The following AGBL4 variants were observed in gnomAD, a reference collection of about 807,000 sequenced individuals.
AGBL4 encodes the protein cytosolic carboxypeptidase 6.
In AGBL4, 58 loss-of-function variants were observed where a neutral mutation model predicts 66.4. That is an observed-to-expected ratio of 0.87 (90% CI 0.71 to 1.09). The LOEUF (loss-of-function observed/expected upper bound fraction) is 1.09, where lower values mean the gene tolerates loss of function less well. Among genes scored for constraint, AGBL4 ranks in the 50% least tolerant of loss-of-function variants. The probability of loss-of-function intolerance (pLI) is 0.00; values close to 1 mark genes in which losing one functional copy is unlikely to be tolerated. For missense variants in AGBL4, 579 were observed against 631.0 expected, an observed-to-expected ratio of 0.92 and a Z score of 0.88; for synonymous variants, 234 against 222.9, an observed-to-expected ratio of 1.05 and a Z score of -0.44.
intron 9 of AGBL4, among the ~76,000 whole-genome samples, chr1:48,597,932 AAAAG>A (rs1177605177): frequency 2.6e-5 from 4 of 152,052 alleles, no homozygotes; most frequent in Admixed American, 6.6e-5. Flanking sequence ...AAGAAAAAGA[AAAAG>A]AAAGAAAGAG....
intron 2 of AGBL4, among the ~76,000 whole-genome samples, chr1:49,796,242 A>G (rs1343140682): frequency 6.6e-6 from 1 of 151,864 alleles, no homozygotes; most frequent in African/African-American, 2.4e-5. Flanking sequence ...AGAAACTTAA[A>G]TTGGTACAAT....
At chr1:48,742,705 G>A in intron 6 of AGBL4, 1 of 1,611,690 alleles carries the variant, frequency 6.2e-7, no homozygotes, top group Non-Finnish European at 8.5e-7. Context: ...CTCACTGAAA[G>A]TGCTCCGTAA....
chr1:49,823,433 T>A (rs998593542), intron 2 of AGBL4, among the ~76,000 whole-genome samples: 2 of 152,200 alleles, frequency 1.3e-5, no homozygotes, highest in African/African-American at 4.8e-5. Context: ...TATATATTAA[T>A]ACACGTTGGT....
At chr1:49,283,223 G>A (rs867234458) in intron 3 of AGBL4, among the ~76,000 whole-genome samples, 26 of 152,266 alleles carry the variant, frequency 1.7e-4, no homozygotes, top group Admixed American at 5.9e-4. Flanking sequence ...CCTGACCCCC[G>A]AGCAGCCTAA....
intron 3 of AGBL4, among the ~76,000 whole-genome samples, chr1:49,253,995 A>G (rs145486404): frequency 0.027 from 4,171 of 152,294 alleles, 207 homozygotes; most frequent in African/African-American, 0.096. Context: ...TCAATAAACT[A>G]AGTTTTGAAG....
chr1:49,802,906 TGCCCTA>T (rs1644896848), intron 2 of AGBL4, among the ~76,000 whole-genome samples: 1 of 152,202 alleles, frequency 6.6e-6, no homozygotes, highest in African/African-American at 2.4e-5. Context: ...CAATAGTCAT[TGCCCTA>T]GCAAAGCACA....
At chr1:48,526,015 TG>T in the AGBL4 span, among the ~76,000 whole-genome samples, 7 of 152,158 alleles carry the variant, frequency 4.6e-5, no homozygotes, top group African/African-American at 1.7e-4. Flanking sequence ...GCACCAATCC[TG>T]CCTGTTAAGA....
chr1:49,747,493 TC>T (rs1300722879), intron 2 of AGBL4, among the ~76,000 whole-genome samples: 1 of 152,194 alleles, frequency 6.6e-6, no homozygotes, highest in African/African-American at 2.4e-5. Context: ...GTGAGAATCT[TC>T]TGAGATTACA....
chr1:49,637,509 G>A (rs1318618878), intron 3 of AGBL4, among the ~76,000 whole-genome samples: 1 of 151,866 alleles, frequency 6.6e-6, no homozygotes, highest in Non-Finnish European at 1.5e-5. Context: ...CACCATGTGG[G>A]CCAGGCTGGT....
chr1:49,112,208 G>C (rs1364416366), intron 4 of AGBL4, among the ~76,000 whole-genome samples: 1 of 152,192 alleles, frequency 6.6e-6, no homozygotes, highest in African/African-American at 2.4e-5. Context: ...GTTGTAATTG[G>C]TTAATGTTTG....
chr1:49,026,176 A>G (rs1040072319), intron 5 of AGBL4, among the ~76,000 whole-genome samples: 12 of 152,216 alleles, frequency 7.9e-5, no homozygotes, highest in Admixed American at 1.3e-4. Context: ...TAGTTTACAT[A>G]GTCTAATATC....
Position 49,929,172 on chromosome 1 carries a change from AG to A in AGBL4, c.35-77655del, listed in dbSNP as rs575176882. Among the ~76,000 whole-genome samples, 60 of 152,232 alleles carry A rather than the reference AG, an allele frequency of 3.9e-4. 1 individual carries two copies. Among genetic ancestry groups the A allele is most frequent in the Admixed American group, 3.9e-3 (60 of 15,286 alleles). ...AGACACTGGGGAATACAAGAAGGGG[AG>A]GGGGGCAAAGATTGAAAAACCACCT... On this transcript the variant is annotated intron_variant, in intron 1 of 13. Coordinates refer to ENST00000371839, the MANE Select transcript of AGBL4 (RefSeq NM_032785.4).
chr1:49,777,681 T>C (rs1644233453), intron 2 of AGBL4, among the ~76,000 whole-genome samples: 1 of 152,286 alleles, frequency 6.6e-6, no homozygotes, highest in Non-Finnish European at 1.5e-5. Context: ...GCACTAGCTA[T>C]TGGGTCATTT....
chr1:49,909,455 A>C (rs1306684489), intron 1 of AGBL4, among the ~76,000 whole-genome samples: 1 of 152,180 alleles, frequency 6.6e-6, no homozygotes, highest in African/African-American at 2.4e-5. Flanking sequence ...ATAACTGAAG[A>C]AAATGTGTTC....
intron 6 of AGBL4, chr1:48,761,205 C>T (rs1644239613): frequency 9.7e-7 from 1 of 1,028,032 alleles, no homozygotes; most frequent in Admixed American, 2.9e-5. Flanking sequence ...GCTTTCACTA[C>T]CCTGAAAAAA....
chr1:48,654,197 C>T (rs963541084), intron 7 of AGBL4, among the ~76,000 whole-genome samples: 39 of 152,188 alleles, frequency 2.6e-4, no homozygotes, highest in Admixed American at 6.5e-5. Flanking sequence ...CCCTCTTCTC[C>T]ATCCCACTGC....
chr1:49,794,579 T>C (rs1644684255), intron 2 of AGBL4, among the ~76,000 whole-genome samples: 1 of 151,908 alleles, frequency 6.6e-6, no homozygotes, highest in Non-Finnish European at 1.5e-5. Context: ...CCACAAGTAT[T>C]GAGAAATATT....
chr1:49,861,430 C>T (rs1158474411), intron 1 of AGBL4, among the ~76,000 whole-genome samples: 2 of 151,960 alleles, frequency 1.3e-5, no homozygotes, highest in Non-Finnish European at 2.9e-5. Flanking sequence ...ACATCTTGGA[C>T]ACCAGCTCAG....
At chr1:49,638,939 G>T (rs1645728579) in intron 3 of AGBL4, among the ~76,000 whole-genome samples, 2 of 152,266 alleles carry the variant, frequency 1.3e-5, no homozygotes, top group South Asian at 4.1e-4. Context: ...GGGCACTTGA[G>T]GTCTAGCTAA....
Sources: gnomAD v4.1 joint callset for allele counts (sites outside exome capture counted in the v4.1 genomes callset) on GRCh38, gnomAD v4.1.1 for gene constraint, MANE v1.5 for transcripts, NCBI Gene and HGNC (gene_info 2026-07-23, HGNC 2026-07-21) for gene names.